The following TAFA4 variants were observed in gnomAD, a reference collection of about 807,000 sequenced individuals.
TAFA4 encodes the protein TAFA chemokine like family member 4.
TAFA4 carries 20 observed loss-of-function variants against 21.1 expected under a neutral mutation model. The ratio of observed to expected loss-of-function variants is 0.95; its 90% CI spans 0.67 to 1.38. The LOEUF is 1.38. Among genes scored for constraint, TAFA4 ranks in the 40% most tolerant of loss-of-function variants. The pLI, the probability that TAFA4 is intolerant of heterozygous loss-of-function variation, is 0.00. For synonymous variants in TAFA4, 71 were observed against 67.4 expected (o/e 1.05, Z -0.26); for missense variants, 211 against 180.9 (o/e 1.17, Z -0.95).
chr3:68,749,913 T>C (rs1417748197), intron 4 of TAFA4, among the ~76,000 whole-genome samples: 1 of 152,190 alleles, frequency 6.6e-6, no homozygotes, highest in Non-Finnish European at 1.5e-5. Context: ...ACTGGACATA[T>C]ATATCATCAC....
At chr3:68,744,267 C>T (rs58145975) in intron 4 of TAFA4, among the ~76,000 whole-genome samples, 34,364 of 152,012 alleles carry the variant, frequency 0.23, 4,785 homozygotes, top group East Asian at 0.63. Context: ...CCAGCAGACG[C>T]ATGTGGCTGA....
rs910195302 is a variant in TAFA4 at position 68,840,833 on chromosome 3, G to A, written c.130+39897C>T. ...CCAAAGACCACACTGGGCTTACTGC[G>A]CTTGCCCATGGCTAGACTAACCAAC... is the stretch of plus-strand genomic sequence containing the variant. On this transcript the variant is annotated intron_variant, in intron 3 of 5. Transcript: ENST00000295569. 5.3e-5 allele frequency among the ~76,000 whole-genome samples: 8 copies of A among 152,248 alleles called. No individual in the cohort carries two copies. The East Asian group carries it at 7.7e-4, about 15-fold the overall frequency.
intron 1 of TAFA4, among the ~76,000 whole-genome samples, chr3:68,887,038 A>G (rs1405636140): frequency 6.6e-6 from 1 of 152,212 alleles, no homozygotes; most frequent in Non-Finnish European, 1.5e-5. Flanking sequence ...AGTTCCATCT[A>G]AATCAGATAT....
chr3:68,872,259 C>T (rs778583386), intron 3 of TAFA4, among the ~76,000 whole-genome samples: 2 of 151,990 alleles, frequency 1.3e-5, no homozygotes, highest in Non-Finnish European at 1.5e-5. Context: ...TGCAGCAATA[C>T]GGATGTAACT....
At chr3:68,919,284 T>C (rs1248539819) in intron 1 of TAFA4, among the ~76,000 whole-genome samples, 1 of 152,140 alleles carries the variant, frequency 6.6e-6, no homozygotes, top group Non-Finnish European at 1.5e-5. Context: ...GCAGCCCCCG[T>C]CAGGACAGAG....
chr3:68,750,879 T>C lies in TAFA4; in HGVS notation c.286+1984A>G, dbSNP rs117683199. Among the ~76,000 whole-genome samples the C allele has an allele frequency of 5.5e-3, 842 of 152,278 alleles. 11 individuals are homozygous for C. Among genetic ancestry groups the C allele is most frequent in the East Asian group, 0.024 (124 of 5,176 alleles). On this transcript the variant is annotated intron_variant, in intron 4 of 5. Transcript: ENST00000295569. ...AGTCCATTCTCCACTGTACTAAAAG[T>C]TGTTTGTGGGCCAGCCAATGGGGAA...
intron 4 of TAFA4, among the ~76,000 whole-genome samples, chr3:68,746,786 C>T (rs1026253417): frequency 2.0e-5 from 3 of 152,164 alleles, no homozygotes; most frequent in African/African-American, 2.4e-5. Context: ...TTGGAATCTA[C>T]GTTTGTCCTC....
chr3:68,734,891 T>C (rs1430257078), intron 5 of TAFA4, among the ~76,000 whole-genome samples: 1 of 152,142 alleles, frequency 6.6e-6, no homozygotes, highest in Admixed American at 6.6e-5. Context: ...AGCATCTTCT[T>C]TGAGGCAACT....
chr3:68,747,408 G>GTGAT lies in TAFA4; in HGVS notation c.286+5451_286+5454dup, dbSNP rs754924258. On this transcript the variant is annotated intron_variant, in intron 4 of 5. Transcript: ENST00000295569. ...GGTTTTTTTTTCCCATGCTGTTCTT[G>GTGAT]TGATAGTGAATAAATCTCAGAAGAT... Among the ~76,000 whole-genome samples, 7 of 151,828 alleles carry GTGAT rather than the reference G, an allele frequency of 4.6e-5. No individual in the cohort carries two copies. In the East Asian group the frequency reaches 1.4e-3, roughly 30 times the overall value.
At chr3:68,863,083 A>G (rs184898727) in intron 3 of TAFA4, among the ~76,000 whole-genome samples, 2 of 151,840 alleles carry the variant, frequency 1.3e-5, no homozygotes, top group Admixed American at 1.3e-4. Context: ...AAAAAAAAAA[A>G]AAAAATTAGC....
At chr3:68,847,673 A>C (rs1219826358) in intron 3 of TAFA4, among the ~76,000 whole-genome samples, 5 of 152,200 alleles carry the variant, frequency 3.3e-5, no homozygotes, top group Admixed American at 3.3e-4. Flanking sequence ...GGTTGAGAAG[A>C]CCATGGGAAA....
At chr3:68,778,946 T>C (rs1422992753) in intron 3 of TAFA4, among the ~76,000 whole-genome samples, 2 of 151,998 alleles carry the variant, frequency 1.3e-5, no homozygotes, top group East Asian at 3.9e-4. Flanking sequence ...GACAGGAAAA[T>C]GTGGGAAAGT....
rs572514990 is a variant in TAFA4 at position 68,840,199 on chromosome 3, T to C, written c.130+40531A>G. 5.9e-4 allele frequency among the ~76,000 whole-genome samples: 90 copies of C among 152,218 alleles called. 1 individual carries two copies. Among genetic ancestry groups the C allele is most frequent in the African/African-American group, 1.9e-3 (79 of 41,546 alleles). On this transcript the variant is annotated intron_variant, in intron 3 of 5. Coordinates refer to ENST00000295569, the MANE Select transcript of TAFA4 (RefSeq NM_182522.5). ...GGTGTTGGCACTTTTGGTTGGTTGG[T>C]TGAATGATTGAATGACTGATTGATT...
At chr3:68,873,282 A>G (rs989974306) in intron 3 of TAFA4, among the ~76,000 whole-genome samples, 1 of 151,276 alleles carries the variant, frequency 6.6e-6, no homozygotes, top group Non-Finnish European at 1.5e-5. Flanking sequence ...TTTCCAGGAG[A>G]AGACAAATAG....
intron 1 of TAFA4, among the ~76,000 whole-genome samples, chr3:68,906,271 T>G (rs2089899958): frequency 6.6e-6 from 1 of 152,308 alleles, no homozygotes; most frequent in Middle Eastern, 3.4e-3. Context: ...AATCAGGTAT[T>G]GATTACACAT....
At position 68,813,917 on chromosome 3, in the gene TAFA4, A is replaced by G. The variant is rs181692955; in HGVS notation, c.131-60899T>C. ...ATGAACATCGAGGCAAAAATCCTCA[A>G]TAAAATACTGGCAAACCGAATCCAG... On this transcript the variant is annotated intron_variant, in intron 3 of 5. Transcript: ENST00000295569. Among the ~76,000 whole-genome samples, 33 of 152,356 alleles carry G rather than the reference A, an allele frequency of 2.2e-4. No individual in the cohort carries two copies. In the East Asian group the frequency reaches 5.6e-3, roughly 26 times the overall value.
At chr3:68,764,858 C>CA (rs1461236341) in intron 3 of TAFA4, among the ~76,000 whole-genome samples, 3 of 152,050 alleles carry the variant, frequency 2.0e-5, no homozygotes, top group Non-Finnish European at 2.9e-5. Context: ...GAAAAGAATG[C>CA]AAAAAACTCT....
chr3:68,779,776 C>G (rs111954017), intron 3 of TAFA4, among the ~76,000 whole-genome samples: 1,670 of 152,254 alleles, frequency 0.011, 33 homozygotes, highest in African/African-American at 0.038. Context: ...TCTGCTAGGA[C>G]AGTGAAGAAG....
At chr3:68,912,642 A>T (rs1018219485) in intron 1 of TAFA4, among the ~76,000 whole-genome samples, 2 of 152,240 alleles carry the variant, frequency 1.3e-5, no homozygotes, top group African/African-American at 2.4e-5. Flanking sequence ...TAACGGGCTT[A>T]GCTGAAAACC....
Sources: allele counts gnomAD v4.1 joint callset (sites outside exome capture counted in the v4.1 genomes callset), GRCh38; gene constraint gnomAD v4.1.1; transcripts MANE v1.5; gene names NCBI Gene and HGNC (gene_info 2026-07-23, HGNC 2026-07-21).